Variants in MAML2 observed in about 807,000 individuals in gnomAD.
MAML2 encodes mastermind-like protein 2.
A neutral mutation model predicts 96.1 loss-of-function variants in MAML2; 22 were observed. That is an observed-to-expected ratio of 0.23 (90% CI 0.16 to 0.33). MAML2 has a LOEUF of 0.33. Ranked by LOEUF, MAML2 falls within the 10% of genes least tolerant of loss-of-function variation. The probability of loss-of-function intolerance (pLI) is 1.00; values close to 1 mark genes in which losing one functional copy is unlikely to be tolerated. For synonymous variants in MAML2, 561 were observed against 521.3 expected (o/e 1.08, Z -1.04); for missense variants, 1,367 against 1,392.4 (o/e 0.98, Z 0.29).
At chr11:96,220,794 A>AT in intron 1 of MAML2, among the ~76,000 whole-genome samples, 1 of 152,224 alleles carries the variant, frequency 6.6e-6, no homozygotes, top group East Asian at 1.9e-4. Context: ...CCTCTACTGG[A>AT]TTTTTCAAAA....
intron 1 of MAML2, among the ~76,000 whole-genome samples, chr11:96,126,383 C>T (rs958509231): frequency 6.6e-6 from 1 of 152,188 alleles, no homozygotes; most frequent in South Asian, 2.1e-4. Flanking sequence ...TATGGTGAAA[C>T]CCTGTCTCTA....
intron 1 of MAML2, among the ~76,000 whole-genome samples, chr11:96,195,932 G>A (rs898300111): frequency 6.6e-6 from 1 of 152,174 alleles, no homozygotes; most frequent in Non-Finnish European, 1.5e-5. Flanking sequence ...CCTAAAGCAA[G>A]TAGGTTAATA....
At chr11:96,070,808 G>A (rs2135787852) in intron 2 of MAML2, among the ~76,000 whole-genome samples, 1 of 152,364 alleles carries the variant, frequency 6.6e-6, no homozygotes, top group Non-Finnish European at 1.5e-5. Context: ...GGCCTGAAAG[G>A]CCACACCTCA....
chr11:96,283,101 A>C (rs2135987073), intron 1 of MAML2, among the ~76,000 whole-genome samples: 1 of 152,336 alleles, frequency 6.6e-6, no homozygotes, highest in South Asian at 2.1e-4. Context: ...TGTAATCCAC[A>C]AACTTTAACT....
chr11:96,183,312 CAA>C (rs1347145867), intron 1 of MAML2, among the ~76,000 whole-genome samples: 1 of 133,402 alleles, frequency 7.5e-6, no homozygotes, highest in East Asian at 2.2e-4. Flanking sequence ...TTATATTTTC[CAA>C]AGTCATGAAT....
At position 96,342,018 on chromosome 11, in the gene MAML2, G is replaced by T; in HGVS notation, c.-123C>A. ...AGTGTTCAGGGCCACATGAATAGAG[G>T]TCTTCAGAGGTTGTGGGGGAGCCGT... On this transcript the variant is annotated 5_prime_UTR_variant, in exon 1 of 5. Transcript: ENST00000524717. The T allele has an allele frequency of 1.1e-6, 1 of 933,310 alleles. No individual in the cohort carries two copies. The highest frequency in any genetic ancestry group is 1.6e-6 in the Non-Finnish European group (1 of 644,674). The allele number at this position is 933,310 out of a possible 1,614,324, so 57.8% of individuals were successfully genotyped here.
At chr11:96,286,295 C>T (rs190131146) in intron 1 of MAML2, among the ~76,000 whole-genome samples, 64 of 152,124 alleles carry the variant, frequency 4.2e-4, no homozygotes, top group African/African-American at 1.0e-3. Flanking sequence ...GAACACATTG[C>T]GGGGAACAAC....
chr11:96,189,546 GA>G (rs1047984313), intron 1 of MAML2, among the ~76,000 whole-genome samples: 1 of 152,168 alleles, frequency 6.6e-6, no homozygotes, highest in Non-Finnish European at 1.5e-5. Flanking sequence ...CTACAGCTTT[GA>G]AACTGCAGCA....
chr11:96,193,541 G>C (rs555495876), intron 1 of MAML2, among the ~76,000 whole-genome samples: 2 of 152,236 alleles, frequency 1.3e-5, no homozygotes, highest in East Asian at 3.9e-4. Flanking sequence ...AACATCTTTA[G>C]CTCCAGAAAT....
At chr11:96,107,015 G>T (rs1860034947) in intron 1 of MAML2, among the ~76,000 whole-genome samples, 1 of 26,958 alleles carries the variant, frequency 3.7e-5, no homozygotes. Flanking sequence ...TTTCTTCACT[G>T]GCCTCAAATC....
chr11:95,982,893 C>T (rs930405497), intron 4 of MAML2, among the ~76,000 whole-genome samples: 1 of 152,194 alleles, frequency 6.6e-6, no homozygotes, highest in African/African-American at 2.4e-5. Context: ...CACTCACTGA[C>T]ACCCAGTGTG....
chr11:96,267,598 A>G (rs954983374), intron 1 of MAML2, among the ~76,000 whole-genome samples: 1 of 152,226 alleles, frequency 6.6e-6, no homozygotes, highest in Non-Finnish European at 1.5e-5. Flanking sequence ...GTTCATTATT[A>G]ACGGGCTGGT....
intron 1 of MAML2, among the ~76,000 whole-genome samples, chr11:96,173,270 T>C (rs1861328705): frequency 6.6e-6 from 1 of 152,198 alleles, no homozygotes; most frequent in African/African-American, 2.4e-5. Flanking sequence ...TTTCTCTTTC[T>C]ACCATGACAG....
Position 96,204,566 on chromosome 11 carries a change from C to T in MAML2, c.514-111049G>A, listed in dbSNP as rs570251361. On this transcript the variant is annotated intron_variant, in intron 1 of 4. Transcript: ENST00000524717. ...ATTGTATTCAAGATAATAAAGAGGT[C>T]ACTGATTTATGGGCCTATAATTCTG... Among the ~76,000 whole-genome samples the T allele has an allele frequency of 1.7e-4, 26 of 152,282 alleles. No homozygotes were observed. In the South Asian group the frequency reaches 5.2e-3, roughly 30 times the overall value.
chr11:96,208,439 G>T (rs1273242230), intron 1 of MAML2, among the ~76,000 whole-genome samples: 11 of 152,106 alleles, frequency 7.2e-5, no homozygotes, highest in Admixed American at 7.2e-4. Flanking sequence ...TATTAAAAAA[G>T]AACCATTTGG....
At chr11:96,056,031 A>T (rs866390644) in intron 2 of MAML2, among the ~76,000 whole-genome samples, 1 of 152,222 alleles carries the variant, frequency 6.6e-6, no homozygotes, top group African/African-American at 2.4e-5. Flanking sequence ...CCATGACAAA[A>T]GCAATGGGTT....
chr11:96,304,134 A>G (rs1863431109), intron 1 of MAML2, among the ~76,000 whole-genome samples: 1 of 152,122 alleles, frequency 6.6e-6, no homozygotes, highest in African/African-American at 2.4e-5. Flanking sequence ...CTTCAGCCCT[A>G]CTTCTTGCAA....
intron 1 of MAML2, among the ~76,000 whole-genome samples, chr11:96,131,232 C>T (rs928611239): frequency 6.6e-6 from 1 of 151,702 alleles, no homozygotes; most frequent in Non-Finnish European, 1.5e-5. Flanking sequence ...ACCTAGAAGA[C>T]ATAACAATTA....
intron 1 of MAML2, among the ~76,000 whole-genome samples, chr11:96,222,603 G>A (rs114853076): frequency 2.0e-5 from 3 of 152,172 alleles, no homozygotes; most frequent in African/African-American, 7.2e-5. Context: ...TTTCCCAGGA[G>A]TGCCAAGCTT....
Sources: gnomAD v4.1 joint callset for allele counts (sites outside exome capture counted in the v4.1 genomes callset) on GRCh38, gnomAD v4.1.1 for gene constraint, MANE v1.5 for transcripts, NCBI Gene and HGNC (gene_info 2026-07-23, HGNC 2026-07-21) for gene names.